The following KRT38 variants were observed in gnomAD, a reference collection of about 807,000 sequenced individuals.
KRT38 encodes keratin 38.
Under a neutral mutation model 43.1 loss-of-function variants are expected in KRT38, and 45 were observed. The ratio of observed to expected loss-of-function variants is 1.04; its 90% CI spans 0.82 to 1.34. The LOEUF is 1.34. KRT38 is among the 40% of genes most tolerant of loss of function. KRT38 has a pLI of 0.00. For missense variants in KRT38, 627 were observed against 586.2 expected (o/e 1.07, Z -0.72); for synonymous variants, 258 against 244.0 (o/e 1.06, Z -0.53).
Position 41,439,369 on chromosome 17 carries a change from C to G in KRT38, c.576-10G>C. The G allele has an allele frequency of 6.2e-7, 1 of 1,613,048 alleles. No individual in the cohort carries two copies. Among genetic ancestry groups the G allele is most frequent in the Non-Finnish European group, 8.5e-7 (1 of 1,179,512 alleles). On this transcript the variant is annotated splice_polypyrimidine_tract_variant and intron_variant, in intron 2 of 6. Transcript: ENST00000246646. ...GCGCTCACTCTCCAGCCTTTCATCA[C>G]AGGAGGTACAGGGTCAAAAAGAATG...
At chr17:41,440,027 G>GAATCATCTTCCATCAGCTTTC (rs1320895042) in intron 2 of KRT38, 134 bp downstream of exon 2, 3 of 723,342 alleles carry the variant, frequency 4.1e-6, no homozygotes, top group Non-Finnish European at 7.0e-6. Flanking sequence ...CATCAGCTTC[G>GAATCATCTTCCATCAGCTTTC]ATTGTAATGA....
chr17:41,438,931 C>T (rs1412774044), intron 3 of KRT38, 73 bp from the exon 4 acceptor site: 4 of 1,547,914 alleles, frequency 2.6e-6, no homozygotes, highest in East Asian at 2.3e-5. Context: ...GCACCAGGAC[C>T]CCGCCCCTGG....
rs1269595556 is a variant in KRT38, at chr17:41,437,316, A to G, written c.*96T>C. 1.4e-5 allele frequency: 19 copies of G among 1,326,224 alleles called. No homozygotes were observed. Among genetic ancestry groups the G allele is most frequent in the Non-Finnish European group, 1.9e-5 (19 of 1,008,278 alleles). 82.2% of individuals were successfully genotyped at this position (1,326,224 alleles called of 1,614,324 possible). ...TCATAGCCTTTGGACAGGCCTATAC[A>G]TACAGAAAGTTAGAAGCCAGATTTT... On this transcript the variant is annotated 3_prime_UTR_variant, in exon 7 of 7. Transcript: ENST00000246646.
rs779475883 is a variant in KRT38, at chr17:41,438,164, C to T, written c.1170G>A (p.Leu390=). 21 of 1,614,066 alleles carry T rather than the reference C, an allele frequency of 1.3e-5. No individual in the cohort carries two copies. In the Admixed American group the frequency reaches 3.3e-4, roughly 26 times the overall value. ...LERQNQEYQV[L]LDVKTRLENE... Reference sequence around the variant, plus strand: ...TCTCCAGCCGGGTCTTCACGTCCAGCAGCACCTGGTACTCCTGGTTTTGCC... The same window carrying T: ...TCTCCAGCCGGGTCTTCACGTCCAGTAGCACCTGGTACTCCTGGTTTTGCC... Residue 390 remains leucine (L), a synonymous_variant, in exon 6 of 7, where the codon CTG becomes CTA. Transcript: ENST00000246646.
rs2018749957 is a variant in KRT38 at position 41,438,108 on chromosome 17, T to C, written c.1226A>G (p.Glu409Gly). 14 of 1,614,168 alleles carry C rather than the reference T, an allele frequency of 8.7e-6. No individual in the cohort carries two copies. Among genetic ancestry groups the C allele is most frequent in the Non-Finnish European group, 1.1e-5 (13 of 1,180,026 alleles). Residue 409 changes from glutamate to glycine, a missense_variant, in exon 6 of 7, where the codon GAA becomes GGA. By Grantham distance (98) the Glu-to-Gly change is moderately conservative. Coordinates refer to ENST00000246646, the MANE Select transcript of KRT38 (RefSeq NM_006771.4). ...NEIATYRNLL[E>G]SEDCKLPCNP... ...TCACACGTACTTGCAGTCCTCGCTT[T>C]CCAGAAGGTTCCGGTACGTGGCAAT...
At position 41,440,864 on chromosome 17, in the gene KRT38, C is replaced by A. The variant is rs202240554; in HGVS notation, c.58G>T (p.Ala20Ser). ...ATGGGAGAGACAGAGACATTTCTTG[C>A]TCCAGGAGCCATGGTGCAACCCAGA... ...CPLGCTMAPG[A>S]RNVSVSPIDI... Residue 20 changes from alanine to serine, a missense_variant, in exon 1 of 7, where the codon GCA becomes TCA. Ala to Ser is a moderately conservative substitution (Grantham distance 99). Coordinates refer to ENST00000246646, the MANE Select transcript of KRT38 (RefSeq NM_006771.4). 9.8e-5 allele frequency: 155 copies of A among 1,580,112 alleles called. No homozygotes were observed. The highest frequency in any genetic ancestry group is 1.3e-4 in the Non-Finnish European group (154 of 1,163,730).
At chr17:41,437,971 A>T in intron 6 of KRT38, 122 bp downstream of exon 6, 1 of 910,612 alleles carries the variant, frequency 1.1e-6, no homozygotes, top group African/African-American at 1.7e-5. Context: ...CAGGGCAACG[A>T]CTCACTGAAA....
In KRT38 at chr17:41,440,614, T is replaced by C; in HGVS notation, c.308A>G (p.His103Arg). ...GAYGENTLNG[H>R]EKETMQFLND... ...CAGGAACTGCATGGTCTCCTTCTCATGGCCATTCAGGGTGTTTTCACCATA... is the reference window on the plus strand; with the variant it reads ...CAGGAACTGCATGGTCTCCTTCTCACGGCCATTCAGGGTGTTTTCACCATA... Residue 103 changes from histidine (H) to arginine (R), a missense_variant, in exon 1 of 7, where the codon CAT (histidine) becomes CGT (arginine). By Grantham distance (29) the His-to-Arg change is conservative. Transcript: ENST00000246646. The C allele has an allele frequency of 1.2e-6, 2 of 1,614,208 alleles. No homozygotes were observed. Among genetic ancestry groups the C allele is most frequent in the East Asian group, 2.2e-5 (1 of 44,870 alleles).
rs141541871 is a variant in KRT38 at position 41,439,269 on chromosome 17, G to A, written c.666C>T (p.Ala222=). 1,091 of 1,614,194 alleles carry A rather than the reference G, an allele frequency of 6.8e-4. 7 individuals carry two copies. The East Asian group carries it at 0.012, about 17-fold the overall frequency. ...GGGACTCCTGCTGGGCCTCCAGGTC[G>A]GCCTTGGCCAGGGTCGCATCATCCA... is the stretch of plus-strand genomic sequence containing the variant. The part of the protein sequence containing the change: ...KLLDDATLAK[A]DLEAQQESLK... The change falls in exon 3 of 7, where the codon GCC becomes GCT. Residue 222 remains alanine, a synonymous_variant. Coordinates refer to ENST00000246646, the MANE Select transcript of KRT38 (RefSeq NM_006771.4).
chr17:41,438,810 G>C lies in KRT38; in HGVS notation c.781C>G (p.Leu261Val). 3 of 1,614,156 alleles carry C rather than the reference G, an allele frequency of 1.9e-6. No homozygotes were observed. Among genetic ancestry groups the C allele is most frequent in the Admixed American group, 1.7e-5 (1 of 60,026 alleles). The change falls in exon 4 of 7, where the codon CTG (leucine) becomes GTG (valine). Residue 261 changes from leucine (L) to valine (V), a missense_variant. Transcript: ENST00000246646. Reference sequence around the variant, plus strand: ...AGGTCAATGGTGGGCTCAATGTCCAGCTCAATCCGGAGCTTCTCCCCCAGC... The same window carrying C: ...AGGTCAATGGTGGGCTCAATGTCCACCTCAATCCGGAGCTTCTCCCCCAGC... Reference protein sequence around the residue: ...SQLGEKLRIELDIEPTIDLNR... With the variant: ...SQLGEKLRIEVDIEPTIDLNR...
rs2018753371 is a variant in KRT38, at chr17:41,438,290, C to T, written c.1044G>A (p.Leu348=). The T allele has an allele frequency of 6.2e-7, 1 of 1,614,146 alleles. No homozygotes were observed. Among genetic ancestry groups the T allele is most frequent in the East Asian group, 2.2e-5 (1 of 44,890 alleles). The change falls in exon 6 of 7, where the codon CTG becomes CTA. Residue 348 remains leucine (L), a synonymous_variant. Coordinates refer to ENST00000246646, the MANE Select transcript of KRT38 (RefSeq NM_006771.4). The stretch of plus-strand genomic sequence containing the variant: ...TGCCGAAGCGGTCCTCGGCTTCACA[C>T]AGGGAGTTCTGCAGACAGTCCTTCT... The part of the protein sequence containing the change: ...HTLKDCLQNS[L]CEAEDRFGTE...
At position 41,440,967 on chromosome 17, in the gene KRT38, G is replaced by T; in HGVS notation, c.-46C>A. 1 of 1,511,912 alleles carries T rather than the reference G, an allele frequency of 6.6e-7. No homozygotes were observed. Among genetic ancestry groups the T allele is most frequent in the Non-Finnish European group, 8.8e-7 (1 of 1,132,124 alleles). The allele number at this position is 1,511,912 out of a possible 1,614,324, so 93.7% of individuals were successfully genotyped here. Reference sequence around the variant, plus strand: ...CAGGAGCTTCAGATCAGCTGGGAAAGCTGAACCACTGAGACTGAAGCCTCC... The same window carrying T: ...CAGGAGCTTCAGATCAGCTGGGAAATCTGAACCACTGAGACTGAAGCCTCC... On this transcript the variant is annotated 5_prime_UTR_variant, in exon 1 of 7. Transcript: ENST00000246646.
At position 41,437,813 on chromosome 17, in the gene KRT38, A is replaced by G. The variant is rs185351352; in HGVS notation, c.1242-272T>C. On this transcript the variant is annotated intron_variant, in intron 6 of 6. Transcript: ENST00000246646. The stretch of plus-strand genomic sequence containing the variant: ...CCAAGTCCAAAAATCTGCTGGATCT[A>G]TGGACATATCTCCTGTTTGAGCAGC... Among the ~76,000 whole-genome samples the G allele has an allele frequency of 3.3e-5, 5 of 152,330 alleles. No homozygotes were observed. In the East Asian group the frequency reaches 9.7e-4, roughly 29 times the overall value.
At chr17:41,437,604 G>A in intron 6 of KRT38, 63 bp from the exon 7 acceptor site, 22 of 1,500,486 alleles carry the variant, frequency 1.5e-5, no homozygotes, top group Non-Finnish European at 1.9e-5. Flanking sequence ...AGTGCCATGT[G>A]GGGGCATGAG....
rs559745940 is a variant in KRT38, at chr17:41,438,690, C to T, written c.894+7G>A. 16 of 1,599,240 alleles carry T rather than the reference C, an allele frequency of 1.0e-5. No homozygotes were observed. The highest frequency in any genetic ancestry group is 1.3e-5 in the Non-Finnish European group (15 of 1,172,620). On this transcript the variant is annotated splice_region_variant and intron_variant, in intron 4 of 6. Transcript: ENST00000246646. ...GTACCCCCTGGTTCTATACCCCCCC[C>T]ACTCACCTGGGCTTGGAACCACTGT...
In KRT38 at chr17:41,438,585, C is replaced by A; in HGVS notation, c.926G>T (p.Cys309Phe). The change falls in exon 5 of 7, where the codon TGC (cysteine) becomes TTC (phenylalanine). Residue 309 changes from cysteine (C) to phenylalanine (F), a missense_variant. Coordinates refer to ENST00000246646, the MANE Select transcript of KRT38 (RefSeq NM_006771.4). ...SEGISLQDMS[C>F]SEELQCCQSE... ...CTGGCAGCACTGCAGCTCCTCGGAG[C>A]AGGACATGTCCTGCAGGCTGATGCC... 3.7e-6 allele frequency: 6 copies of A among 1,614,152 alleles called. No homozygotes were observed. Among genetic ancestry groups the A allele is most frequent in the Non-Finnish European group, 5.1e-6 (6 of 1,180,020 alleles).
chr17:41,440,255 A>G lies in KRT38; in HGVS notation c.493-12T>C. On this transcript the variant is annotated splice_polypyrimidine_tract_variant and intron_variant, in intron 1 of 6. Transcript: ENST00000246646. ...TTGCTGCACAGGATCTGAGGAGAAC[A>G]GGAAGACAGTTCACACACAAAGCAT... is the stretch of plus-strand genomic sequence containing the variant. The G allele has an allele frequency of 6.2e-7, 1 of 1,613,900 alleles. No individual in the cohort carries two copies. Among genetic ancestry groups the G allele is most frequent in the Non-Finnish European group, 8.5e-7 (1 of 1,179,768 alleles).
Position 41,439,276 on chromosome 17 carries a change from G to A in KRT38, c.659C>T (p.Ala220Val). The change falls in exon 3 of 7, where the codon GCC (alanine) becomes GTC (valine). Residue 220 changes from alanine to valine, a missense_variant. Ala to Val is a moderately conservative substitution (Grantham distance 64, BLOSUM62 0). Coordinates refer to ENST00000246646, the MANE Select transcript of KRT38 (RefSeq NM_006771.4). ...CTGCTGGGCCTCCAGGTCGGCCTTG[G>A]CCAGGGTCGCATCATCCAGGAGCTT... ...TQKLLDDATL[A>V]KADLEAQQES... is the part of the protein sequence containing the mutation. The A allele has an allele frequency of 6.2e-7, 1 of 1,614,200 alleles. No homozygotes were observed. The highest frequency in any genetic ancestry group is 1.1e-5 in the South Asian group (1 of 91,084).
At chr17:41,440,272 A>T in intron 1 of KRT38, 29 bp from the exon 2 acceptor site, 1 of 1,612,708 alleles carries the variant, frequency 6.2e-7, no homozygotes, top group East Asian at 2.2e-5. Context: ...CAGTTCACAC[A>T]CAAAGCATCA....
Sources: allele counts gnomAD v4.1 joint callset (sites outside exome capture counted in the v4.1 genomes callset), GRCh38; gene constraint gnomAD v4.1.1; transcripts MANE v1.5; gene names NCBI Gene and HGNC (gene_info 2026-07-23, HGNC 2026-07-21).